The following PDE4B variants were observed in gnomAD, a reference collection of about 807,000 sequenced individuals.
PDE4B encodes 3',5'-cyclic-AMP phosphodiesterase 4B.
In PDE4B, 20 loss-of-function variants were observed where a neutral mutation model predicts 82.2. The ratio of observed to expected loss-of-function variants is 0.24; its 90% CI spans 0.17 to 0.35. The LOEUF (loss-of-function observed/expected upper bound fraction) is 0.35. Among genes scored for constraint, PDE4B ranks in the 10% least tolerant of loss-of-function variants. The probability of loss-of-function intolerance (pLI) is 1.00; values close to 1 mark genes in which losing one functional copy is unlikely to be tolerated. For synonymous variants in PDE4B, 320 were observed against 318.9 expected (o/e 1.00, Z -0.04); for missense variants, 655 against 907.2 (o/e 0.72, Z 3.57).
intron 3 of PDE4B, among the ~76,000 whole-genome samples, chr1:65,937,827 C>T (rs1648239897): frequency 2.6e-5 from 4 of 152,036 alleles, no homozygotes. Flanking sequence ...ATAAAAGGTG[C>T]CTAGGATAGA....
At chr1:66,171,546 G>A (rs780406041) in intron 3 of PDE4B, among the ~76,000 whole-genome samples, 2 of 152,078 alleles carry the variant, frequency 1.3e-5, no homozygotes, top group Non-Finnish European at 2.9e-5. Flanking sequence ...TCTTTTTGGA[G>A]GTGAAGTGCC....
At chr1:65,922,877 G>A (rs1370281543) in intron 3 of PDE4B, among the ~76,000 whole-genome samples, 1 of 152,002 alleles carries the variant, frequency 6.6e-6, no homozygotes, top group Non-Finnish European at 1.5e-5. Flanking sequence ...TTAACTTTAG[G>A]GGCACATTAG....
intron 7 of PDE4B, among the ~76,000 whole-genome samples, chr1:66,285,269 C>CGTAT (rs1364711060): frequency 6.6e-6 from 1 of 152,062 alleles, no homozygotes; most frequent in Non-Finnish European, 1.5e-5. Flanking sequence ...AAATTGAAGA[C>CGTAT]GTATAGTCTT....
chr1:66,059,859 A>G (rs923946203), intron 3 of PDE4B, among the ~76,000 whole-genome samples: 3 of 152,122 alleles, frequency 2.0e-5, no homozygotes, highest in African/African-American at 7.2e-5. Context: ...TTCTTTGGCT[A>G]TATCACATTG....
chr1:66,363,244 G>T lies in PDE4B; in HGVS notation c.1097G>T (p.Cys366Phe). The part of the protein sequence containing the change: ...AGYSHNRPLT[C>F]IMYAIFQERD... ...TATTCTCACAATAGACCCCTAACAT[G>T]CATCATGTATGCTATATTCCAGGTG... is the stretch of plus-strand genomic sequence containing the variant. The change falls in exon 11 of 17, where the codon TGC becomes TTC. Residue 366 changes from cysteine to phenylalanine, a missense_variant. By Grantham distance (205) the Cys-to-Phe change is radical. Transcript: ENST00000341517. 6.2e-7 allele frequency: 1 copy of T among 1,611,080 alleles called. No homozygotes were observed. Among genetic ancestry groups the T allele is most frequent in the South Asian group, 1.1e-5 (1 of 90,962 alleles).
At chr1:66,178,030 T>TA (rs200574451) in intron 3 of PDE4B, among the ~76,000 whole-genome samples, 4,910 of 141,668 alleles carry the variant, frequency 0.035, 258 homozygotes, top group African/African-American at 0.12. Flanking sequence ...TACTATTCCT[T>TA]AAAAAAAAAA....
intron 3 of PDE4B, among the ~76,000 whole-genome samples, chr1:65,951,863 T>C (rs1649016906): frequency 6.6e-6 from 1 of 152,042 alleles, no homozygotes; most frequent in South Asian, 2.1e-4. Flanking sequence ...AGTATAATTC[T>C]AGGGCTTGGT....
intron 3 of PDE4B, among the ~76,000 whole-genome samples, chr1:66,003,404 A>G (rs1274711250): frequency 6.6e-6 from 1 of 152,118 alleles, no homozygotes; most frequent in African/African-American, 2.4e-5. Flanking sequence ...GAAGAGAACC[A>G]CTTTGAAGTC....
At chr1:66,225,895 G>T (rs938988712) in intron 3 of PDE4B, among the ~76,000 whole-genome samples, 1 of 152,180 alleles carries the variant, frequency 6.6e-6, no homozygotes, top group Admixed American at 6.5e-5. Flanking sequence ...TGTCATGTTT[G>T]TCTTAAAGAA....
chr1:65,984,196 A>G (rs1650835164), intron 3 of PDE4B, among the ~76,000 whole-genome samples: 1 of 152,214 alleles, frequency 6.6e-6, no homozygotes, highest in Non-Finnish European at 1.5e-5. Flanking sequence ...GCTAAACTTC[A>G]AGGACATTGT....
At chr1:66,197,040 T>A (rs1275384128) in intron 3 of PDE4B, among the ~76,000 whole-genome samples, 2 of 152,090 alleles carry the variant, frequency 1.3e-5, no homozygotes, top group Non-Finnish European at 2.9e-5. Context: ...CCATACCAAT[T>A]TGAAAACAGG....
chr1:65,897,269 A>G (rs571265288), intron 1 of PDE4B, among the ~76,000 whole-genome samples: 7 of 152,162 alleles, frequency 4.6e-5, no homozygotes, highest in Non-Finnish European at 7.3e-5. Flanking sequence ...GTACACAGAT[A>G]TATAATGCAT....
chr1:66,059,738 G>C (rs990953516), intron 3 of PDE4B, among the ~76,000 whole-genome samples: 3 of 152,176 alleles, frequency 2.0e-5, no homozygotes, highest in Admixed American at 6.5e-5. Context: ...TGGGAATTAT[G>C]GAGGCCACAT....
rs375826378 is a variant in PDE4B, at chr1:65,988,068, G to T, written c.281+69233G>T. Among the ~76,000 whole-genome samples the T allele has an allele frequency of 2.0e-5, 3 of 152,232 alleles. No homozygotes were observed. The East Asian group carries it at 5.8e-4, about 29-fold the overall frequency. Reference sequence around the variant, plus strand: ...AACAAGACTCAGCCCAGCCCAAAAGGATTTTATATTTCAAACAGGGAATTT... The same window carrying T: ...AACAAGACTCAGCCCAGCCCAAAAGTATTTTATATTTCAAACAGGGAATTT... On this transcript the variant is annotated intron_variant, in intron 3 of 16. Transcript: ENST00000341517.
At chr1:66,275,764 C>T (rs546633601) in intron 7 of PDE4B, among the ~76,000 whole-genome samples, 1 of 152,242 alleles carries the variant, frequency 6.6e-6, no homozygotes, top group South Asian at 2.1e-4. Flanking sequence ...CAGGGAACAG[C>T]CTTTCACCCA....
At chr1:66,261,745 T>C (rs1394923789) in intron 6 of PDE4B, among the ~76,000 whole-genome samples, 1 of 152,214 alleles carries the variant, frequency 6.6e-6, no homozygotes, top group Admixed American at 6.5e-5. Flanking sequence ...AAATATCCCA[T>C]TGAGGGATGC....
At chr1:65,953,282 T>C (rs908791248) in intron 3 of PDE4B, among the ~76,000 whole-genome samples, 1 of 151,946 alleles carries the variant, frequency 6.6e-6, no homozygotes, top group African/African-American at 2.4e-5. Flanking sequence ...AAGCTGAAAA[T>C]GTTTTATACT....
intron 3 of PDE4B, among the ~76,000 whole-genome samples, chr1:66,207,831 A>C (rs2101564279): frequency 6.6e-6 from 1 of 152,330 alleles, no homozygotes; most frequent in Non-Finnish European, 1.5e-5. Context: ...TTGTAATTAC[A>C]AAATACTCTT....
rs747632145 is a variant in PDE4B, at chr1:65,993,064, A to G, written c.281+74229A>G. On this transcript the variant is annotated intron_variant, in intron 3 of 16. Transcript: ENST00000341517. Reference sequence around the variant, plus strand: ...ATTTCTCCACGCAGTTCACCAAGGAACTCACCATGCTTTTTCAGAAAGTTG... The same window carrying G: ...ATTTCTCCACGCAGTTCACCAAGGAGCTCACCATGCTTTTTCAGAAAGTTG... 29 of 1,613,764 alleles carry G rather than the reference A, an allele frequency of 1.8e-5. No homozygotes were observed. In the Admixed American group the frequency reaches 4.2e-4, roughly 23 times the overall value.
Sources: allele counts gnomAD v4.1 joint callset (sites outside exome capture counted in the v4.1 genomes callset), GRCh38; gene constraint gnomAD v4.1.1; transcripts MANE v1.5; gene names NCBI Gene and HGNC (gene_info 2026-07-23, HGNC 2026-07-21).